Variants in HMGXB3 observed in about 807,000 individuals in gnomAD.
HMGXB3 encodes the protein HMG-box containing 3, also known as HMG domain-containing protein 3.
A neutral mutation model predicts 121.5 loss-of-function variants in HMGXB3; 45 were observed. The ratio of observed to expected loss-of-function variants is 0.37; its 90% CI spans 0.29 to 0.47. The LOEUF is 0.47. Among genes scored for constraint, HMGXB3 ranks in the 20% least tolerant of loss-of-function variants. HMGXB3 has a pLI of 0.99. For synonymous variants in HMGXB3, 590 were observed against 624.1 expected (o/e 0.95, Z 0.81); for missense variants, 1,376 against 1,602.2 (o/e 0.86, Z 2.41).
intron 11 of HMGXB3, among the ~76,000 whole-genome samples, chr5:150,034,215 G>A (rs1458683261): frequency 6.6e-6 from 1 of 152,160 alleles, no homozygotes; most frequent in Non-Finnish European, 1.5e-5. Flanking sequence ...TTTTCAGTGG[G>A]TTTCAAAGTG....
At chr5:150,021,140 A>G (rs753970119) in intron 6 of HMGXB3, among the ~76,000 whole-genome samples, 3 of 152,196 alleles carry the variant, frequency 2.0e-5, no homozygotes, top group Non-Finnish European at 4.4e-5. Flanking sequence ...CTAAGTCAGA[A>G]TTTACCAATG....
chr5:150,050,893 CT>C (rs1425439511), intron 19 of HMGXB3, among the ~76,000 whole-genome samples: 2 of 152,172 alleles, frequency 1.3e-5, no homozygotes, highest in Non-Finnish European at 2.9e-5. Flanking sequence ...CCAGAGAAGC[CT>C]AGAAAGTTGC....
chr5:150,024,588 A>C lies in HMGXB3; in HGVS notation c.1368A>C (p.Thr456=), dbSNP rs1424376504. Reference sequence around the variant, plus strand: ...TGCAGCCTGAGGTCACTCTGGGGACAACTGACAATGACAGTCCTGGAGCAG... The same window carrying C: ...TGCAGCCTGAGGTCACTCTGGGGACCACTGACAATGACAGTCCTGGAGCAG... ...SGVQPEVTLG[T]TDNDSPGADV... Residue 456 remains threonine (T), a synonymous_variant, in exon 7 of 20, where the codon ACA becomes ACC. Coordinates refer to ENST00000502717, the MANE Select transcript of HMGXB3 (RefSeq NM_014983.3). The C allele has an allele frequency of 6.4e-7, 1 of 1,551,644 alleles. No individual in the cohort carries two copies. Among genetic ancestry groups the C allele is most frequent in the African/African-American group, 1.4e-5 (1 of 73,046 alleles).
intron 7 of HMGXB3, 108 bp from the exon 8 acceptor site, chr5:150,026,598 C>T (rs1756235286): frequency 1.1e-6 from 1 of 917,408 alleles, no homozygotes; most frequent in Non-Finnish European, 1.6e-6. Context: ...TAAAGCTTGA[C>T]AGTTTAACCC....
At chr5:150,035,580 A>G (rs1199328935) in intron 11 of HMGXB3, among the ~76,000 whole-genome samples, 1 of 152,200 alleles carries the variant, frequency 6.6e-6, no homozygotes, top group Non-Finnish European at 1.5e-5. Context: ...TGTCTCAGGC[A>G]TCATGCTGGT....
At chr5:150,017,619 A>G (rs926059119) in intron 5 of HMGXB3, among the ~76,000 whole-genome samples, 38 of 152,320 alleles carry the variant, frequency 2.5e-4, no homozygotes, top group African/African-American at 7.7e-4. Context: ...TCATAATTGG[A>G]AGCCATAATT....
In HMGXB3 at chr5:150,041,981, T is replaced by TG. The variant is rs1167469390; in HGVS notation, c.2730+12_2730+13insG. 3 of 1,547,032 alleles carry TG rather than the reference T, an allele frequency of 1.9e-6. No homozygotes were observed. In the East Asian group the frequency reaches 7.4e-5, roughly 38 times the overall value. ...TGAAGAGCGTGGAGGTAAGTGCCTC[T>TG]TAGCCACCGTGAGGGACCTGCGGAA... On this transcript the variant is annotated intron_variant, in intron 15 of 19. Coordinates refer to ENST00000502717, the MANE Select transcript of HMGXB3 (RefSeq NM_014983.3).
chr5:150,004,550 A>G (rs1022982772), intron 1 of HMGXB3, among the ~76,000 whole-genome samples: 2 of 152,192 alleles, frequency 1.3e-5, no homozygotes, highest in African/African-American at 4.8e-5. Flanking sequence ...CCATGAATAT[A>G]AGTGAAAAGT....
intron 19 of HMGXB3, 47 bp from the exon 20 acceptor site, chr5:150,051,678 C>T: frequency 7.1e-7 from 1 of 1,410,292 alleles, no homozygotes; most frequent in East Asian, 2.5e-5. Flanking sequence ...ATGGGTTCCA[C>T]CTTAGTCATT....
intron 19 of HMGXB3, 30 bp from the exon 20 acceptor site, chr5:150,051,695 T>G: frequency 1.4e-6 from 2 of 1,470,798 alleles, no homozygotes; most frequent in Non-Finnish European, 1.8e-6. Flanking sequence ...CATTCCTTCT[T>G]ATCAAAATGC....
At chr5:150,049,176 G>T (rs1217208759) in intron 18 of HMGXB3, among the ~76,000 whole-genome samples, 1 of 152,222 alleles carries the variant, frequency 6.6e-6, no homozygotes, top group African/African-American at 2.4e-5. Context: ...TGAGTGGGGA[G>T]ACAGAGTGAG....
chr5:150,015,329 C>T (rs1213783181), intron 5 of HMGXB3, among the ~76,000 whole-genome samples: 2 of 152,082 alleles, frequency 1.3e-5, no homozygotes, highest in African/African-American at 4.8e-5. Context: ...CACTCTGTTG[C>T]CCATGTTAGA....
chr5:150,041,638 C>T (rs1756636702), intron 14 of HMGXB3, 147 bp from the exon 15 acceptor site: 3 of 632,208 alleles, frequency 4.7e-6, no homozygotes, highest in African/African-American at 3.7e-5. Flanking sequence ...GGCCAGATCC[C>T]TGACCCTCAG....
At chr5:150,012,183 C>T (rs1269581020) in intron 4 of HMGXB3, 72 bp from the exon 5 acceptor site, 3 of 997,012 alleles carry the variant, frequency 3.0e-6, no homozygotes, top group Admixed American at 2.0e-5. Flanking sequence ...TCCAGGCTTC[C>T]AGTGTTGAGT....
chr5:150,028,410 A>ATATATATATATATG (rs968713219), intron 9 of HMGXB3, among the ~76,000 whole-genome samples: 1 of 142,890 alleles, frequency 7.0e-6, no homozygotes, highest in Non-Finnish European at 1.5e-5. Flanking sequence ...ACCCGATTTT[A>ATATATATATATATG]TATATATATA....
rs1381754070 is a variant in HMGXB3, at chr5:150,045,471, C to T, written c.2736C>T (p.Thr912=). The change falls in exon 16 of 20, where the codon ACC becomes ACT. Residue 912 remains threonine (T), a synonymous_variant. Coordinates refer to ENST00000502717, the MANE Select transcript of HMGXB3 (RefSeq NM_014983.3). ...NVLALKSVEF[T]WPEFLGSNEV... is the part of the protein sequence containing the mutation. Reference sequence around the variant, plus strand: ...TCTTTATCCTGACCTTCTAGTTCACCTGGCCTGAATTCCTGGGCTCTAATG... The same window carrying T: ...TCTTTATCCTGACCTTCTAGTTCACTTGGCCTGAATTCCTGGGCTCTAATG... The T allele has an allele frequency of 1.5e-5, 24 of 1,551,988 alleles. No individual in the cohort carries two copies. In the East Asian group the frequency reaches 5.9e-4, roughly 38 times the overall value.
intron 9 of HMGXB3, among the ~76,000 whole-genome samples, chr5:150,028,553 ATATATAT>A (rs1756296374): frequency 1.7e-5 from 1 of 59,074 alleles, no homozygotes; most frequent in African/African-American, 9.4e-5. Flanking sequence ...ATATATATAT[ATATATAT>A]TTTTTTTTTT....
intron 4 of HMGXB3, among the ~76,000 whole-genome samples, chr5:150,011,593 G>GGT (rs1561852845): frequency 1.5e-5 from 2 of 134,122 alleles, no homozygotes; most frequent in African/African-American, 7.4e-5. Flanking sequence ...GTTGTTGGTT[G>GGT]TTTTTTTTTG....
chr5:150,002,048 G>A (rs945816018), intron 1 of HMGXB3, among the ~76,000 whole-genome samples: 6 of 152,288 alleles, frequency 3.9e-5, no homozygotes, highest in African/African-American at 1.4e-4. Flanking sequence ...GTTGCACTAT[G>A]GCAGTTAGAA....
Sources: gnomAD v4.1 joint callset for allele counts (sites outside exome capture counted in the v4.1 genomes callset) on GRCh38, gnomAD v4.1.1 for gene constraint, MANE v1.5 for transcripts, NCBI Gene and HGNC (gene_info 2026-07-23, HGNC 2026-07-21) for gene names.